FNBP1: variants seen among roughly 807,000 people sequenced by gnomAD.
FNBP1 encodes the protein formin binding protein 1.
FNBP1 carries 26 observed loss-of-function variants against 90.6 expected under a neutral mutation model. The observed-to-expected ratio is 0.29, with a 90% CI of 0.21 to 0.40. The LOEUF (loss-of-function observed/expected upper bound fraction) is 0.40, where lower values mean the gene tolerates loss of function less well. Among genes scored for constraint, FNBP1 ranks in the 10% least tolerant of loss-of-function variants. The pLI, the probability that FNBP1 is intolerant of heterozygous loss-of-function variation, is 1.00. For missense variants in FNBP1, 635 were observed against 768.0 expected, an observed-to-expected ratio of 0.83 and a Z score of 2.05; for synonymous variants, 260 against 265.2, an observed-to-expected ratio of 0.98 and a Z score of 0.19.
chr9:130,043,872 A>G (rs919645196), upstream of FNBP1, among the ~76,000 whole-genome samples: 68 of 152,354 alleles, frequency 4.5e-4, no homozygotes, highest in African/African-American at 1.6e-3. Flanking sequence ...GGGTACACAG[A>G]TAACTTGTTT....
chr9:130,010,418 C>T (rs988875295), intron 1 of FNBP1, among the ~76,000 whole-genome samples: 6 of 152,124 alleles, frequency 3.9e-5, no homozygotes, highest in African/African-American at 9.7e-5. Flanking sequence ...CAAAAAAACC[C>T]GGATACTTTT....
intron 2 of FNBP1, among the ~76,000 whole-genome samples, chr9:129,987,734 C>T (rs1365722152): frequency 6.6e-6 from 1 of 151,958 alleles, no homozygotes; most frequent in Non-Finnish European, 1.5e-5. Context: ...CTCCCAACAT[C>T]AGGTCATCTG....
intron 6 of FNBP1, among the ~76,000 whole-genome samples, chr9:129,941,387 T>TTAAA (rs750976488): frequency 5.9e-5 from 9 of 152,188 alleles, no homozygotes; most frequent in Middle Eastern, 3.4e-3. Flanking sequence ...AGACGCCATC[T>TTAAA]TAAATAAATA....
chr9:130,038,540 G>A (rs903746870), intron 1 of FNBP1, among the ~76,000 whole-genome samples: 2 of 151,424 alleles, frequency 1.3e-5, no homozygotes, highest in Admixed American at 6.6e-5. Flanking sequence ...GGGATTACCT[G>A]CGTGGACCAC....
At chr9:129,891,720 G>A (rs948239478) in intron 16 of FNBP1, among the ~76,000 whole-genome samples, 1 of 152,124 alleles carries the variant, frequency 6.6e-6, no homozygotes, top group Non-Finnish European at 1.5e-5. Flanking sequence ...CAGAAACAGG[G>A]GAGGTGCCAT....
At chr9:129,980,099 G>A (rs927382842) in intron 2 of FNBP1, among the ~76,000 whole-genome samples, 1 of 151,740 alleles carries the variant, frequency 6.6e-6, no homozygotes, top group African/African-American at 2.4e-5. Flanking sequence ...AGTGGCTCAC[G>A]CCTGTAATCC....
chr9:130,048,258 G>A, the FNBP1 span, among the ~76,000 whole-genome samples: 1 of 138,696 alleles, frequency 7.2e-6, no homozygotes, highest in Non-Finnish European at 1.5e-5. Context: ...AGAGGTTGTA[G>A]TGAGCCGCGA....
chr9:130,018,456 G>C (rs1001968397), intron 1 of FNBP1, among the ~76,000 whole-genome samples: 13 of 152,140 alleles, frequency 8.5e-5, no homozygotes, highest in African/African-American at 2.7e-4. Flanking sequence ...GCCAGCTCTA[G>C]CGTCTCAGGC....
At position 129,917,248 on chromosome 9, in the gene FNBP1, G is replaced by A. The variant is rs533759481; in HGVS notation, c.1171-1268C>T. The stretch of plus-strand genomic sequence containing the variant: ...AGGCTGGTCTTGAACTCCTGACCTC[G>A]TGATCCGCCCGCCTCCCAAAGTGCT... On this transcript the variant is annotated intron_variant, in intron 10 of 16. Coordinates refer to ENST00000446176, the MANE Select transcript of FNBP1 (RefSeq NM_015033.3). Among the ~76,000 whole-genome samples the A allele has an allele frequency of 5.3e-5, 8 of 152,020 alleles. No individual in the cohort carries two copies. The South Asian group carries it at 1.5e-3, about 28-fold the overall frequency.
At chr9:130,028,670 G>T (rs2058557541) in intron 1 of FNBP1, among the ~76,000 whole-genome samples, 1 of 152,166 alleles carries the variant, frequency 6.6e-6, no homozygotes. Context: ...TCTCAGTGAG[G>T]TAAACACTTT....
chr9:129,930,497 A>T (rs114317817), intron 6 of FNBP1, among the ~76,000 whole-genome samples: 376 of 152,330 alleles, frequency 2.5e-3, no homozygotes, highest in African/African-American at 8.8e-3. Context: ...TAAAGAGGGA[A>T]TAAGTATGGC....
intron 1 of FNBP1, among the ~76,000 whole-genome samples, chr9:130,037,538 C>A (rs532283198): frequency 1.5e-4 from 23 of 152,158 alleles, no homozygotes; most frequent in African/African-American, 5.3e-4. Context: ...GAAAAAAATT[C>A]AACACACTAT....
chr9:129,978,852 G>A (rs1482247802), intron 3 of FNBP1, among the ~76,000 whole-genome samples: 1 of 152,070 alleles, frequency 6.6e-6, no homozygotes, highest in Non-Finnish European at 1.5e-5. Context: ...TGGCTTCATT[G>A]ATACTTAGTC....
chr9:130,049,738 G>T, the FNBP1 span, among the ~76,000 whole-genome samples: 16 of 151,848 alleles, frequency 1.1e-4, no homozygotes, highest in Middle Eastern at 3.2e-3. Flanking sequence ...TTAAAAGAAA[G>T]AATACGTATA....
In FNBP1 at chr9:129,976,884, G is replaced by A. The variant is rs145775844; in HGVS notation, c.345+1581C>T. On this transcript the variant is annotated intron_variant, in intron 4 of 16. Transcript: ENST00000446176. ...CCCAGGGCATTAAAAGAACTGTTGTGGCTGGGCTCGGTGGCTCACGCCTGT... is the reference window on the plus strand; with the variant it reads ...CCCAGGGCATTAAAAGAACTGTTGTAGCTGGGCTCGGTGGCTCACGCCTGT... 7.1e-3 allele frequency among the ~76,000 whole-genome samples: 1,082 copies of A among 152,062 alleles called. 11 individuals carry two copies. Among genetic ancestry groups the A allele is most frequent in the Admixed American group, 0.013 (201 of 15,254 alleles).
At chr9:129,918,369 G>T (rs1470566343) in intron 10 of FNBP1, among the ~76,000 whole-genome samples, 1 of 152,172 alleles carries the variant, frequency 6.6e-6, no homozygotes, top group Non-Finnish European at 1.5e-5. Flanking sequence ...GAAATCATTG[G>T]CTAAAATAAT....
chr9:130,003,680 T>C (rs555033750), intron 1 of FNBP1, among the ~76,000 whole-genome samples: 11 of 151,374 alleles, frequency 7.3e-5, no homozygotes, highest in African/African-American at 2.4e-4. Context: ...TTCCAGCACT[T>C]TGGGAGGCCG....
Position 130,041,311 on chromosome 9 carries a change from C to A in FNBP1, c.24+1641G>T, listed in dbSNP as rs1329063812. Among the ~76,000 whole-genome samples the A allele has an allele frequency of 6.6e-6, 1 of 152,196 alleles. No individual in the cohort carries two copies. The highest frequency in any genetic ancestry group is 2.4e-5 in the African/African-American group (1 of 41,450). On this transcript the variant is annotated intron_variant, in intron 1 of 16. Coordinates refer to ENST00000446176, the MANE Select transcript of FNBP1 (RefSeq NM_015033.3). The surrounding 1 kb of genome is among the most constrained non-coding windows in gnomAD (Gnocchi z 4.3). ...CCATTCACCAACATCACTGAACTGT[C>A]CACCAAGGTATTGTGTTCGGTCCCT...
chr9:129,950,738 A>T (rs2046028248), intron 6 of FNBP1, among the ~76,000 whole-genome samples: 1 of 152,140 alleles, frequency 6.6e-6, no homozygotes, highest in Non-Finnish European at 1.5e-5. Flanking sequence ...CGAAACACAC[A>T]TTCATAATTA....
Sources: allele counts gnomAD v4.1 joint callset (sites outside exome capture counted in the v4.1 genomes callset), GRCh38; gene constraint gnomAD v4.1.1; non-coding constraint Gnocchi (gnomAD v3.1); transcripts MANE v1.5; gene names NCBI Gene and HGNC (gene_info 2026-07-23, HGNC 2026-07-21).